Variants in TSPAN9 observed in about 807,000 individuals in gnomAD.
The protein encoded by TSPAN9 is tetraspanin 9.
In TSPAN9, 16 loss-of-function variants were observed where a neutral mutation model predicts 31.0. The observed-to-expected ratio is 0.52, with a 90% CI of 0.35 to 0.78. The LOEUF is 0.78. Ranked by LOEUF, TSPAN9 falls within the 30% of genes least tolerant of loss-of-function variation. The pLI is 0.01. For missense variants in TSPAN9, 272 were observed against 312.5 expected (o/e 0.87, Z 0.98); for synonymous variants, 145 against 121.6 (o/e 1.19, Z -1.27).
intron 2 of TSPAN9, among the ~76,000 whole-genome samples, chr12:3,140,542 G>A (rs1449525581): frequency 6.6e-6 from 1 of 152,192 alleles, no homozygotes; most frequent in South Asian, 2.1e-4. Context: ...GGGAAGTTCA[G>A]AGGGTTTCTT....
At chr12:3,160,569 A>G (rs1005461534) in intron 2 of TSPAN9, among the ~76,000 whole-genome samples, 3 of 152,158 alleles carry the variant, frequency 2.0e-5, no homozygotes, top group Admixed American at 6.5e-5. Context: ...ATGTATTCCA[A>G]TTGGGAATTA....
At chr12:3,200,955 A>G (rs992222799) in intron 2 of TSPAN9, 2 of 511,396 alleles carry the variant, frequency 3.9e-6, no homozygotes, top group Admixed American at 3.7e-5. Context: ...TCTTCGATCC[A>G]TCGGAGTCCA....
At chr12:3,181,434 T>C (rs1470667732) in intron 2 of TSPAN9, among the ~76,000 whole-genome samples, 1 of 152,154 alleles carries the variant, frequency 6.6e-6, no homozygotes, top group African/African-American at 2.4e-5. Flanking sequence ...CATGTCTCCC[T>C]ACCACCTCAT....
At chr12:3,224,402 C>T (rs552930912) in intron 3 of TSPAN9, among the ~76,000 whole-genome samples, 4 of 152,332 alleles carry the variant, frequency 2.6e-5, no homozygotes. Flanking sequence ...GAGGGGAGAG[C>T]AGAATGCAGC....
chr12:3,176,255 G>T (rs181786389), intron 2 of TSPAN9, among the ~76,000 whole-genome samples: 1 of 152,224 alleles, frequency 6.6e-6, no homozygotes, highest in East Asian at 1.9e-4. Context: ...GAGTCTGAAT[G>T]GGGGGAGCCC....
At chr12:3,282,356 G>A (rs1413117540) in intron 8 of TSPAN9, among the ~76,000 whole-genome samples, 1 of 152,166 alleles carries the variant, frequency 6.6e-6, no homozygotes. Context: ...CGCACCATGT[G>A]TTCCACAAGC....
intron 2 of TSPAN9, among the ~76,000 whole-genome samples, chr12:3,100,549 T>G (rs1225622234): frequency 6.6e-6 from 1 of 152,204 alleles, no homozygotes; most frequent in African/African-American, 2.4e-5. Context: ...TGTTGCCCGA[T>G]GTCTGAAGTA....
chr12:3,160,362 GGTT>G (rs373949024), intron 2 of TSPAN9, among the ~76,000 whole-genome samples: 4 of 152,232 alleles, frequency 2.6e-5, no homozygotes, highest in African/African-American at 9.6e-5. Context: ...TGGATATTTG[GGTT>G]GTTTCAGTTT....
At chr12:3,240,403 C>G (rs946868091) in intron 3 of TSPAN9, among the ~76,000 whole-genome samples, 2 of 152,172 alleles carry the variant, frequency 1.3e-5, no homozygotes, top group African/African-American at 4.8e-5. Context: ...CAGTCACTCT[C>G]GCTGATTGAG....
chr12:3,199,032 C>T (rs2098369564), intron 2 of TSPAN9, among the ~76,000 whole-genome samples: 1 of 152,216 alleles, frequency 6.6e-6, no homozygotes, highest in South Asian at 2.1e-4. Context: ...TAATGCCCTC[C>T]TGTCTTCCTA....
rs191642578 is a variant in TSPAN9, at chr12:3,271,630, C to T, written c.64-6791C>T. 2.5e-3 allele frequency among the ~76,000 whole-genome samples: 386 copies of T among 152,114 alleles called. 2 individuals carry two copies. Among genetic ancestry groups the T allele is most frequent in the Admixed American group, 5.6e-3 (86 of 15,300 alleles). ...AGACCCGTGTGGCTGCATCCCACCC[C>T]ATGGTTCCAAGGTGCTGTGGTCCTC... On this transcript the variant is annotated intron_variant, in intron 3 of 8. Coordinates refer to ENST00000011898, the MANE Select transcript of TSPAN9 (RefSeq NM_006675.5).
At chr12:3,274,645 C>T (rs1438547499) in intron 3 of TSPAN9, among the ~76,000 whole-genome samples, 1 of 152,240 alleles carries the variant, frequency 6.6e-6, no homozygotes, top group African/African-American at 2.4e-5. Flanking sequence ...CTGGGGACTT[C>T]CTTGTCCCCC....
At chr12:3,247,120 C>T (rs60325450) in intron 3 of TSPAN9, among the ~76,000 whole-genome samples, 6,320 of 152,172 alleles carry the variant, frequency 0.042, 176 homozygotes, top group Non-Finnish European at 0.062. Context: ...TGTCGAGCAT[C>T]GTCGGGTTTA....
At chr12:3,084,581 G>A (rs1476232871) in intron 2 of TSPAN9, among the ~76,000 whole-genome samples, 2 of 152,168 alleles carry the variant, frequency 1.3e-5, no homozygotes, top group Admixed American at 6.5e-5. Context: ...GTCCTGCCAT[G>A]CCTTGCACGT....
intron 3 of TSPAN9, among the ~76,000 whole-genome samples, chr12:3,210,004 C>T (rs1181136802): frequency 6.6e-5 from 8 of 120,548 alleles, no homozygotes; most frequent in Non-Finnish European, 1.0e-4. Flanking sequence ...GGTGTGGTGG[C>T]GGGTGCCTGT....
At chr12:3,178,556 G>T (rs889034903) in intron 2 of TSPAN9, among the ~76,000 whole-genome samples, 1 of 152,232 alleles carries the variant, frequency 6.6e-6, no homozygotes, top group Admixed American at 6.5e-5. Context: ...CTCCCAAAGT[G>T]CTGGGATTAT....
intron 3 of TSPAN9, among the ~76,000 whole-genome samples, chr12:3,235,588 TGTGTGTGACGAATGC>T (rs1330590395): frequency 1.3e-5 from 2 of 152,156 alleles, no homozygotes; most frequent in Non-Finnish European, 2.9e-5. Flanking sequence ...TCAACAAGAC[TGTGTGTGACGAATGC>T]GTGTGTGATT....
intron 2 of TSPAN9, among the ~76,000 whole-genome samples, chr12:3,135,264 T>G (rs1283810780): frequency 6.6e-6 from 1 of 152,078 alleles, no homozygotes; most frequent in Non-Finnish European, 1.5e-5. Flanking sequence ...TTAAATTTGA[T>G]TTGTAAAGAT....
At chr12:3,138,195 C>T (rs1426155074) in intron 2 of TSPAN9, among the ~76,000 whole-genome samples, 2 of 152,210 alleles carry the variant, frequency 1.3e-5, no homozygotes, top group Non-Finnish European at 2.9e-5. Flanking sequence ...GGGCTGGCCC[C>T]TCTGCCTGGG....
Sources: gnomAD v4.1 joint callset for allele counts (sites outside exome capture counted in the v4.1 genomes callset) on GRCh38, gnomAD v4.1.1 for gene constraint, MANE v1.5 for transcripts, NCBI Gene and HGNC (gene_info 2026-07-23, HGNC 2026-07-21) for gene names.